S1PR3: variants seen among roughly 807,000 people sequenced by gnomAD.
S1PR3 encodes the protein sphingosine 1-phosphate receptor 3.
S1PR3 carries 12 observed loss-of-function variants against 13.3 expected under a neutral mutation model. The observed-to-expected ratio is 0.90, with a 90% CI of 0.58 to 1.46. The LOEUF (loss-of-function observed/expected upper bound fraction) is 1.46, where lower values mean the gene tolerates loss of function less well. Ranked by LOEUF, S1PR3 falls within the 40% of genes most tolerant of loss-of-function variation. S1PR3 has a pLI of 0.00. For missense variants in S1PR3, 450 were observed against 501.9 expected, an observed-to-expected ratio of 0.90 and a Z score of 0.99; for synonymous variants, 232 against 214.0, an observed-to-expected ratio of 1.08 and a Z score of -0.73.
chr9:89,001,010 G>T lies in S1PR3; in HGVS notation c.-147-44G>T. ...GCGTTGCCGTGGCCCCTTAGGCGGC[G>T]ATCGTTTTATCAATGGTCGCTCCCT... On this transcript the variant is annotated intron_variant, in intron 1 of 1. Transcript: ENST00000358157. 6.2e-6 allele frequency: 4 copies of T among 645,538 alleles called. No individual in the cohort carries two copies. The South Asian group carries it at 8.1e-5, about 13-fold the overall frequency. 40.0% of individuals were successfully genotyped at this position (645,538 alleles called of 1,614,324 possible).
intron 1 of S1PR3, chr9:88,996,548 G>C (rs1301704894): frequency 6.6e-6 from 1 of 152,252 alleles, no homozygotes; most frequent in Non-Finnish European, 1.5e-5. Context: ...ATCCTGTAGG[G>C]TTTCATTCAC....
In S1PR3 at chr9:88,991,876, G is replaced by A. The variant is rs199884623; in HGVS notation, c.-148+181G>A. 583 of 1,614,168 alleles carry A rather than the reference G, an allele frequency of 3.6e-4. 10 individuals are homozygous for A. In the East Asian group the frequency reaches 0.013, roughly 35 times the overall value. On this transcript the variant is annotated intron_variant, in intron 1 of 1. Coordinates refer to ENST00000358157, the MANE Select transcript of S1PR3 (RefSeq NM_005226.4). The surrounding 1 kb of genome is among the most constrained non-coding windows in gnomAD (Gnocchi z 4.0). ...GAGCCGCTGCAGGAACAGGGAGGAG[G>A]CCTTTTCCACCGCACCCGGAGCGTT...
Position 89,002,276 on chromosome 9 carries a change from C to T in S1PR3, c.1076C>T (p.Ala359Val). The change falls in exon 2 of 2, where the codon GCC (alanine) becomes GTC (valine). Residue 359 changes from alanine (A) to valine (V), a missense_variant. Ala to Val is a moderately conservative substitution (Grantham distance 64). Transcript: ENST00000358157. Reference sequence around the variant, plus strand: ...GTCAAGGAAGACCTGCCCCACACAGCCCCCTCATCCTGCATCATGGACAAG... The same window carrying T: ...GTCAAGGAAGACCTGCCCCACACAGTCCCCTCATCCTGCATCATGGACAAG... ...PKVKEDLPHT[A>V]PSSCIMDKNA... 6.2e-7 allele frequency: 1 copy of T among 1,614,132 alleles called. No individual in the cohort carries two copies. Among genetic ancestry groups the T allele is most frequent in the South Asian group, 1.1e-5 (1 of 91,076 alleles).
At position 88,991,733 on chromosome 9, in the gene S1PR3, G is replaced by T. The variant is rs371427998; in HGVS notation, c.-148+38G>T. The T allele has an allele frequency of 1.4e-5, 22 of 1,544,152 alleles. No individual in the cohort carries two copies. The African/African-American group carries it at 2.5e-4, about 17-fold the overall frequency. On this transcript the variant is annotated intron_variant, in intron 1 of 1. Transcript: ENST00000358157. The surrounding 1 kb of genome is among the most constrained non-coding windows in gnomAD (Gnocchi z 4.0). ...CCCGGGCGGGGCGCGGAACCAGGGT[G>T]GGGGGCTGGGGGCCGAAGGACCCAC... is the stretch of plus-strand genomic sequence containing the variant.
In S1PR3 at chr9:88,991,845, C is replaced by T; in HGVS notation, c.-148+150C>T. ...CGGAGCGCTCCACATCAGCACCCCT[C>T]CCCCAGAGCCGCTGCAGGAACAGGG... is the stretch of plus-strand genomic sequence containing the variant. On this transcript the variant is annotated intron_variant, in intron 1 of 1. Transcript: ENST00000358157. This position sits in a 1 kb window ranked among gnomAD's most constrained non-coding sequence, Gnocchi z 4.0. 1.2e-6 allele frequency: 2 copies of T among 1,613,636 alleles called. No individual in the cohort carries two copies. Among genetic ancestry groups the T allele is most frequent in the Non-Finnish European group, 8.5e-7 (1 of 1,179,746 alleles).
At chr9:88,996,627 G>C (rs1219980616) in intron 1 of S1PR3, 2 of 152,838 alleles carry the variant, frequency 1.3e-5, no homozygotes, top group Admixed American at 1.3e-4. Flanking sequence ...CATGCTTGGG[G>C]ACAGGTGGTG....
In S1PR3 at chr9:89,003,346, G is replaced by A. The variant is rs939393569; in HGVS notation, c.*1009G>A. 1 of 167,098 alleles carries A rather than the reference G, an allele frequency of 6.0e-6. No individual in the cohort carries two copies. The highest frequency in any genetic ancestry group is 2.4e-5 in the African/African-American group (1 of 41,448). The allele number at this position is 167,098 out of a possible 1,614,324, so 10.4% of individuals were successfully genotyped here. A position where few individuals can be genotyped will look rare whatever the true frequency, so the allele number is the denominator to read the frequency against. ...AAAAGCAGCAAGTCAGTAATCCCCCGTGGCATCACAGCTAAGTAGCTGTGG... is the reference window on the plus strand; with the variant it reads ...AAAAGCAGCAAGTCAGTAATCCCCCATGGCATCACAGCTAAGTAGCTGTGG... On this transcript the variant is annotated 3_prime_UTR_variant, in exon 2 of 2. Coordinates refer to ENST00000358157, the MANE Select transcript of S1PR3 (RefSeq NM_005226.4).
chr9:88,997,070 A>G (rs1288597765), intron 1 of S1PR3: 1 of 152,206 alleles, frequency 6.6e-6, no homozygotes, highest in African/African-American at 2.4e-5. Flanking sequence ...AGAGAAAATG[A>G]GCTTTTAGAT....
chr9:88,991,518 A>G lies in S1PR3; in HGVS notation c.-325A>G. 1 of 1,547,852 alleles carries G rather than the reference A, an allele frequency of 6.5e-7. No homozygotes were observed. The highest frequency in any genetic ancestry group is 8.7e-7 in the Non-Finnish European group (1 of 1,145,946). ...GACGGGCAACAGGGACTCAGGGACCAGAAGGCGGCTGCAGGACGCGACCGA... is the reference window on the plus strand; with the variant it reads ...GACGGGCAACAGGGACTCAGGGACCGGAAGGCGGCTGCAGGACGCGACCGA... On this transcript the variant is annotated 5_prime_UTR_variant, in exon 1 of 2. Transcript: ENST00000358157. The surrounding 1 kb of genome is among the most constrained non-coding windows in gnomAD (Gnocchi z 4.0).
intron 1 of S1PR3, chr9:88,992,348 G>T: frequency 3.8e-6 from 1 of 263,600 alleles, no homozygotes; most frequent in Non-Finnish European, 7.1e-6. Context: ...ATTTCTTTGT[G>T]GTGTTTTTAT....
At chr9:88,991,236 G>A, upstream of S1PR3, 1 of 1,559,734 alleles carries the variant, frequency 6.4e-7, no homozygotes, top group Non-Finnish European at 8.7e-7. This position sits in a 1 kb window ranked among gnomAD's most constrained non-coding sequence, Gnocchi z 4.0. Context: ...GGACCCTAGG[G>A]GATTGGTAGG....
At chr9:88,992,797 T>TGCGC (rs1554686453) in intron 1 of S1PR3, 1 of 152,232 alleles carries the variant, frequency 6.6e-6, no homozygotes, top group African/African-American at 2.4e-5. Context: ...TGTGTGTGTG[T>TGCGC]GTGCGCTTGA....
rs1390021029 is a variant in S1PR3, at chr9:88,991,721, C to T, written c.-148+26C>T. ...GTGAGAGGCGGGCCCGGGCGGGGCG[C>T]GGAACCAGGGTGGGGGGCTGGGGGC... On this transcript the variant is annotated intron_variant, in intron 1 of 1. Transcript: ENST00000358157. The surrounding 1 kb of genome is among the most constrained non-coding windows in gnomAD (Gnocchi z 4.0). 1.3e-6 allele frequency: 2 copies of T among 1,531,936 alleles called. No individual in the cohort carries two copies. Among genetic ancestry groups the T allele is most frequent in the African/African-American group, 2.8e-5 (2 of 72,114 alleles). 94.9% of individuals were successfully genotyped at this position (1,531,936 alleles called of 1,614,324 possible).
upstream of S1PR3, chr9:88,991,142 G>A (rs749421961): frequency 6.2e-7 from 1 of 1,611,000 alleles, no homozygotes; most frequent in Non-Finnish European, 8.5e-7. The surrounding 1 kb of genome is among the most constrained non-coding windows in gnomAD (Gnocchi z 4.0). Flanking sequence ...TGGGTCTCTG[G>A]GCGCCCGGTT....
Position 88,991,795 on chromosome 9 carries a change from G to C in S1PR3, c.-148+100G>C. The C allele has an allele frequency of 6.2e-7, 1 of 1,601,438 alleles. No individual in the cohort carries two copies. The highest frequency in any genetic ancestry group is 1.1e-5 in the South Asian group (1 of 89,816). ...AATCCCCACCGATCCCGGGCGCGAC[G>C]GGGACTTGGGCGCGCCACGGCGGCC... On this transcript the variant is annotated intron_variant, in intron 1 of 1. Coordinates refer to ENST00000358157, the MANE Select transcript of S1PR3 (RefSeq NM_005226.4). This position sits in a 1 kb window ranked among gnomAD's most constrained non-coding sequence, Gnocchi z 4.0.
chr9:89,001,342 G>T lies in S1PR3; in HGVS notation c.142G>T (p.Val48Phe), dbSNP rs768046556. Reference protein sequence around the residue: ...GSTLTTVLFLVICSFIVLENL... With the variant: ...GSTLTTVLFLFICSFIVLENL... ...CACGCTCACCACCGTGCTCTTCTTG[G>T]TCATCTGCAGCTTCATCGTCTTGGA... Residue 48 changes from valine (V) to phenylalanine (F), a missense_variant, in exon 2 of 2, where the codon GTC becomes TTC. By Grantham distance (50) the Val-to-Phe change is conservative (BLOSUM62 -1). Coordinates refer to ENST00000358157, the MANE Select transcript of S1PR3 (RefSeq NM_005226.4). 4 of 1,614,082 alleles carry T rather than the reference G, an allele frequency of 2.5e-6. No individual in the cohort carries two copies.
Position 88,991,870 on chromosome 9 carries a change from G to GAGGA in S1PR3, c.-148+176_-148+179dup. ...CCCCCAGAGCCGCTGCAGGAACAGG[G>GAGGA]AGGAGGCCTTTTCCACCGCACCCGG... On this transcript the variant is annotated intron_variant, in intron 1 of 1. Coordinates refer to ENST00000358157, the MANE Select transcript of S1PR3 (RefSeq NM_005226.4). The surrounding 1 kb of genome is among the most constrained non-coding windows in gnomAD (Gnocchi z 4.0). 1 of 1,614,198 alleles carries GAGGA rather than the reference G, an allele frequency of 6.2e-7. No individual in the cohort carries two copies. The highest frequency in any genetic ancestry group is 2.2e-5 in the East Asian group (1 of 44,872).
intron 1 of S1PR3, chr9:88,995,264 A>G (rs542464907): frequency 6.0e-6 from 1 of 167,140 alleles, no homozygotes; most frequent in African/African-American, 2.4e-5. Flanking sequence ...TTTTATGCGG[A>G]GAGAGAAAGG....
intron 1 of S1PR3, chr9:88,995,634 C>T (rs1040792112): frequency 1.2e-5 from 2 of 167,058 alleles, no homozygotes; most frequent in African/African-American, 2.4e-5. Flanking sequence ...GTGAGGATGA[C>T]ATGAAAACCC....
Sources: allele counts gnomAD v4.1 joint callset, GRCh38; gene constraint gnomAD v4.1.1; non-coding constraint Gnocchi (gnomAD v3.1); transcripts MANE v1.5; gene names NCBI Gene and HGNC (gene_info 2026-07-23, HGNC 2026-07-21).